SNTG1: variants seen among roughly 807,000 people sequenced by gnomAD.
The protein encoded by SNTG1 is gamma-1-syntrophin.
In SNTG1, 39 loss-of-function variants were observed where a neutral mutation model predicts 74.7. The ratio of observed to expected loss-of-function variants is 0.52; its 90% CI spans 0.40 to 0.68. The LOEUF (loss-of-function observed/expected upper bound fraction) is 0.68, where lower values mean the gene tolerates loss of function less well. Among genes scored for constraint, SNTG1 ranks in the 30% least tolerant of loss-of-function variants. The probability of loss-of-function intolerance (pLI) is 0.00; values close to 1 mark genes in which losing one functional copy is unlikely to be tolerated. For synonymous variants in SNTG1, 254 were observed against 217.1 expected (o/e 1.17, Z -1.49); for missense variants, 685 against 609.5 (o/e 1.12, Z -1.30).
At chr8:49,944,791 GA>G (rs112235757) in intron 1 of SNTG1, among the ~76,000 whole-genome samples, 11,929 of 128,942 alleles carry the variant, frequency 0.093, 1,403 homozygotes, top group African/African-American at 0.29. Flanking sequence ...TCACCTGCAA[GA>G]AAAAAAAAAA....
At chr8:50,520,189 GA>G (rs1442296252) in intron 9 of SNTG1, among the ~76,000 whole-genome samples, 2 of 152,160 alleles carry the variant, frequency 1.3e-5, no homozygotes, top group Non-Finnish European at 1.5e-5. Context: ...AAGCAATGGG[GA>G]AAGGATTCCC....
At chr8:50,325,534 G>C (rs907885571) in intron 2 of SNTG1, among the ~76,000 whole-genome samples, 3 of 151,940 alleles carry the variant, frequency 2.0e-5, no homozygotes, top group African/African-American at 7.2e-5. Context: ...ATGGTATATA[G>C]AAAAGTGATT....
intron 2 of SNTG1, among the ~76,000 whole-genome samples, chr8:50,317,489 A>T (rs753066007): frequency 6.6e-6 from 1 of 152,234 alleles, no homozygotes; most frequent in African/African-American, 2.4e-5. Context: ...GCACATGCCT[A>T]TCCTTAAAGA....
intron 1 of SNTG1, among the ~76,000 whole-genome samples, chr8:49,948,723 G>A (rs1289460249): frequency 6.6e-6 from 1 of 152,160 alleles, no homozygotes; most frequent in African/African-American, 2.4e-5. Context: ...ATTCATGATT[G>A]ATGCCTAAAG....
intron 8 of SNTG1, among the ~76,000 whole-genome samples, chr8:50,482,353 C>T (rs911354059): frequency 6.6e-6 from 1 of 152,174 alleles, no homozygotes; most frequent in African/African-American, 2.4e-5. Context: ...CCTTTCTAAT[C>T]CTCCATATGG....
At chr8:50,658,317 G>A (rs1028791941) in intron 14 of SNTG1, among the ~76,000 whole-genome samples, 13 of 152,076 alleles carry the variant, frequency 8.5e-5, no homozygotes, top group African/African-American at 2.2e-4. Flanking sequence ...TAGAGAATGC[G>A]TATATTATTT....
chr8:50,245,158 TC>T (rs1342956849), intron 2 of SNTG1, among the ~76,000 whole-genome samples: 1 of 152,098 alleles, frequency 6.6e-6, no homozygotes, highest in Non-Finnish European at 1.5e-5. Flanking sequence ...TTCTCTCTCT[TC>T]CAAATGGCCT....
At chr8:50,493,683 ATATAAGTG>A (rs1184388952) in intron 8 of SNTG1, among the ~76,000 whole-genome samples, 1 of 151,536 alleles carries the variant, frequency 6.6e-6, no homozygotes, top group East Asian at 1.9e-4. Flanking sequence ...TCAACGCTGT[ATATAAGTG>A]TATAATTTTT....
intron 1 of SNTG1, among the ~76,000 whole-genome samples, chr8:50,070,195 A>T (rs1563548708): frequency 6.6e-6 from 1 of 152,196 alleles, no homozygotes; most frequent in Admixed American, 6.5e-5. Flanking sequence ...GGGGAATATT[A>T]AAAACAGATC....
At chr8:50,701,756 C>CTTCTTCTCCTTCTT (rs1563761853) in intron 15 of SNTG1, among the ~76,000 whole-genome samples, 3 of 123,740 alleles carry the variant, frequency 2.4e-5, no homozygotes, top group African/African-American at 1.2e-4. Context: ...TCCTTCTTCT[C>CTTCTTCTCCTTCTT]CTTCTTCTTC....
chr8:50,697,057 A>G (rs1222424923), intron 15 of SNTG1, among the ~76,000 whole-genome samples: 1 of 151,984 alleles, frequency 6.6e-6, no homozygotes, highest in African/African-American at 2.4e-5. Context: ...TAACAATATT[A>G]ATTCTATTGA....
intron 2 of SNTG1, among the ~76,000 whole-genome samples, chr8:50,249,531 C>G (rs533637227): frequency 6.6e-6 from 1 of 152,210 alleles, no homozygotes; most frequent in African/African-American, 2.4e-5. Context: ...CACATGCACA[C>G]CCACCCCTGC....
intron 2 of SNTG1, among the ~76,000 whole-genome samples, chr8:50,176,631 G>A (rs1054439328): frequency 1.3e-5 from 2 of 152,152 alleles, no homozygotes; most frequent in African/African-American, 4.8e-5. Context: ...TATGTTTCCA[G>A]GAAAGTTATA....
chr8:50,056,871 G>A (rs903299380), intron 1 of SNTG1, among the ~76,000 whole-genome samples: 1 of 152,196 alleles, frequency 6.6e-6, no homozygotes. Flanking sequence ...GGGCAGGCAT[G>A]TTTTATTTCA....
intron 11 of SNTG1, among the ~76,000 whole-genome samples, chr8:50,545,116 C>A (rs1377347396): frequency 6.6e-6 from 1 of 151,772 alleles, no homozygotes; most frequent in African/African-American, 2.4e-5. Context: ...GATATTATTT[C>A]TTGGTTGCTT....
intron 15 of SNTG1, among the ~76,000 whole-genome samples, chr8:50,685,642 T>C (rs1585524244): frequency 6.6e-6 from 1 of 152,264 alleles, no homozygotes; most frequent in African/African-American, 2.4e-5. Flanking sequence ...ATTCTTCAAA[T>C]AGAAAATATT....
At chr8:50,141,422 G>A (rs2081653285) in intron 1 of SNTG1, among the ~76,000 whole-genome samples, 3 of 151,986 alleles carry the variant, frequency 2.0e-5, no homozygotes, top group Non-Finnish European at 4.4e-5. Flanking sequence ...CACATCTTGG[G>A]TTTAATTAGC....
intron 2 of SNTG1, among the ~76,000 whole-genome samples, chr8:50,257,255 C>T (rs2086929809): frequency 1.3e-5 from 2 of 152,160 alleles, no homozygotes; most frequent in East Asian, 1.9e-4. Context: ...ATACTGGACC[C>T]TATTGTCCAA....
At chr8:50,102,841 G>C (rs13249994) in intron 1 of SNTG1, among the ~76,000 whole-genome samples, 22,524 of 146,944 alleles carry the variant, frequency 0.15, 2,123 homozygotes, top group Middle Eastern at 0.28. Context: ...GCTTGTTTTT[G>C]TCAGGTTTGT....
Sources: allele counts gnomAD v4.1 joint callset (sites outside exome capture counted in the v4.1 genomes callset), GRCh38; gene constraint gnomAD v4.1.1; transcripts MANE v1.5; gene names NCBI Gene and HGNC (gene_info 2026-07-23, HGNC 2026-07-21).